The following ZSCAN10 variants were observed in gnomAD, a reference collection of about 807,000 sequenced individuals.
ZSCAN10 encodes zinc finger and SCAN domain containing 10, also known as zinc finger and SCAN domain-containing protein 10.
Under a neutral mutation model 63.7 loss-of-function variants are expected in ZSCAN10, and 52 were observed. That is an observed-to-expected ratio of 0.82 (90% CI 0.65 to 1.03). ZSCAN10 has a LOEUF of 1.03. ZSCAN10 is among the 50% of genes least tolerant of loss of function. ZSCAN10 has a pLI of 0.00. For missense variants in ZSCAN10, 1,223 were observed against 1,103.8 expected (o/e 1.11, Z -1.53); for synonymous variants, 544 against 479.6 (o/e 1.13, Z -1.76).
Position 3,092,257 on chromosome 16 carries a change from C to A in ZSCAN10, c.456G>T (p.Lys152Asn). The change falls in exon 3 of 6, where the codon AAG becomes AAT. Residue 152 changes from lysine (K) to asparagine (N), a missense_variant. Lys to Asn is a moderately conservative substitution (Grantham distance 94). Transcript: ENST00000576985. ...GGCTGGGGACCTGGGAAGCACACCC[C>A]TTTTCCTCCAAGGTGACGTCTGCAC... is the stretch of plus-strand genomic sequence containing the variant. ...CPRADVTLEEKGCASQVPSHS... is the reference protein window; with the variant it reads ...CPRADVTLEENGCASQVPSHS... 2 of 1,613,228 alleles carry A rather than the reference C, an allele frequency of 1.2e-6. No homozygotes were observed. The highest frequency in any genetic ancestry group is 8.5e-7 in the Non-Finnish European group (1 of 1,179,980).
rs1957023152 is a variant in ZSCAN10, at chr16:3,089,063, G to A, written c.*28C>T. ...TGGAGGACCCCGGGTAGGTGGCGCA[G>A]GGCGCGGCTGGCGGAAGGCGGGCCA... On this transcript the variant is annotated 3_prime_UTR_variant, in exon 6 of 6. Transcript: ENST00000576985. 2.0e-6 allele frequency: 3 copies of A among 1,466,778 alleles called. No homozygotes were observed. Among genetic ancestry groups the A allele is most frequent in the Non-Finnish European group, 8.9e-7 (1 of 1,120,630 alleles). The allele number at this position is 1,466,778 out of a possible 1,614,324, so 90.9% of individuals were successfully genotyped here.
Position 3,089,131 on chromosome 16 carries a change from A to C in ZSCAN10, c.2303T>G (p.Leu768Arg), listed in dbSNP as rs1957024744. 6.6e-7 allele frequency: 1 copy of C among 1,519,020 alleles called. No homozygotes were observed. Among genetic ancestry groups the C allele is most frequent in the African/African-American group, 1.4e-5 (1 of 71,304 alleles). The allele number at this position is 1,519,020 out of a possible 1,614,324, so 94.1% of individuals were successfully genotyped here. A position where few individuals can be genotyped will look rare whatever the true frequency, so the allele number is the denominator to read the frequency against. The stretch of plus-strand genomic sequence containing the variant: ...GCGGGCGTGGGTGCGCAGGTGGCGC[A>C]GCAGGTGGGAGTTGCGGCTGAAGCT... ...GRSFSRNSHL[L>R]RHLRTHARET... Residue 768 changes from leucine (L) to arginine (R), a missense_variant, in exon 6 of 6, where the codon CTG becomes CGG. Physicochemically the swap from Leu to Arg is moderately radical, Grantham distance 102 (BLOSUM62 -2). Coordinates refer to ENST00000576985, the MANE Select transcript of ZSCAN10 (RefSeq NM_032805.3).
chr16:3,092,059 C>A lies in ZSCAN10; in HGVS notation c.654G>T (p.Leu218=). ...SPGPQKTFQA[L]QESSPQGPSP... Reference sequence around the variant, plus strand: ...GCACAAGCTCCTCACTGCTTTCTTGCAGGGCCTGGAATGTCTTCTGGGGCC... The same window carrying A: ...GCACAAGCTCCTCACTGCTTTCTTGAAGGGCCTGGAATGTCTTCTGGGGCC... The change falls in exon 3 of 6, where the codon CTG becomes CTT. Residue 218 remains leucine (L), a synonymous_variant. Transcript: ENST00000576985. 1 of 1,561,714 alleles carries A rather than the reference C, an allele frequency of 6.4e-7. No individual in the cohort carries two copies.
Position 3,089,476 on chromosome 16 carries a change from T to C in ZSCAN10, c.1958A>G (p.Gln653Arg). Residue 653 changes from glutamine to arginine, a missense_variant, in exon 6 of 6, where the codon CAG becomes CGG. Gln to Arg is a conservative substitution (Grantham distance 43). Transcript: ENST00000576985. ...GGGCTTCTCCCCTGTGTGGATGCGC[T>C]GGTGGCGCGCCAGGTGGGCGCTCTG... The part of the protein sequence containing the change: ...FSQSAHLARH[Q>R]RIHTGEKPHA... 6.2e-7 allele frequency: 1 copy of C among 1,601,906 alleles called. No individual in the cohort carries two copies.
rs1229884713 is a variant in ZSCAN10 at position 3,090,363 on chromosome 16, C to A, written c.1071G>T (p.Pro357=). The A allele has an allele frequency of 6.8e-6, 11 of 1,612,398 alleles. No homozygotes were observed. The highest frequency in any genetic ancestry group is 9.3e-6 in the Non-Finnish European group (11 of 1,179,390). ...FICADCGVSF[P]QLSRLKAHQL... is the part of the protein sequence containing the mutation. ...GGTGCGCCTTCAGGCGAGACAGCTG[C>A]GGGAAGCTCACCCCGCAGTCCGCGC... The change falls in exon 6 of 6, where the codon CCG becomes CCT. Residue 357 remains proline, a synonymous_variant. Coordinates refer to ENST00000576985, the MANE Select transcript of ZSCAN10 (RefSeq NM_032805.3).
intron 4 of ZSCAN10, 71 bp downstream of exon 4, chr16:3,091,693 G>T: frequency 6.2e-7 from 1 of 1,607,172 alleles, no homozygotes. Context: ...GGGAAGGTAT[G>T]GATTTGCTAA....
At chr16:3,093,685 TTC>T (rs200409529) in intron 1 of ZSCAN10, among the ~76,000 whole-genome samples, 4,838 of 107,814 alleles carry the variant, frequency 0.045, 597 homozygotes, top group African/African-American at 0.18. Context: ...GCTTTTTTTT[TTC>T]TTTTTTTTTT....
rs1957128499 is a variant in ZSCAN10, at chr16:3,094,363, G to A, written c.-67-1359C>T. On this transcript the variant is annotated intron_variant, in intron 1 of 5. Coordinates refer to ENST00000576985, the MANE Select transcript of ZSCAN10 (RefSeq NM_032805.3). Reference sequence around the variant, plus strand: ...CCAGCCTTTATTTATTTATTTATTTGAGATGGAGTTTCACTCTTGTTGCCC... The same window carrying A: ...CCAGCCTTTATTTATTTATTTATTTAAGATGGAGTTTCACTCTTGTTGCCC... 2.0e-5 allele frequency among the ~76,000 whole-genome samples: 3 copies of A among 152,136 alleles called. No homozygotes were observed. In the South Asian group the frequency reaches 6.2e-4, roughly 32 times the overall value.
Position 3,089,833 on chromosome 16 carries a change from C to T in ZSCAN10, c.1601G>A (p.Ser534Asn). 1.3e-6 allele frequency: 2 copies of T among 1,560,438 alleles called. No individual in the cohort carries two copies. The highest frequency in any genetic ancestry group is 1.7e-6 in the Non-Finnish European group (2 of 1,159,586). Residue 534 changes from serine (S) to asparagine (N), a missense_variant, in exon 6 of 6, where the codon AGC becomes AAC. By Grantham distance (46) the Ser-to-Asn change is conservative. Coordinates refer to ENST00000576985, the MANE Select transcript of ZSCAN10 (RefSeq NM_032805.3). ...CCTCCGGTGGGCCACCAGGTGCTCG[C>T]TGCGCCGGAAGGCCTTGCCGCAGTC... ...CSDCGKAFRR[S>N]EHLVAHRRVH...
At position 3,089,970 on chromosome 16, in the gene ZSCAN10, G is replaced by A. The variant is rs372990057; in HGVS notation, c.1464C>T (p.Arg488=). 2 of 1,545,128 alleles carry A rather than the reference G, an allele frequency of 1.3e-6. No homozygotes were observed. Among genetic ancestry groups the A allele is most frequent in the Non-Finnish European group, 1.7e-6 (2 of 1,148,102 alleles). The change falls in exon 6 of 6, where the codon CGC becomes CGT. Residue 488 remains arginine (R), a synonymous_variant. Transcript: ENST00000576985. ...CSHCGQSFQR[R]SSLKRHLRIH... ...TCCGCAGGTGGCGCTTGAGGCTGGA[G>A]CGGCGCTGGAAGCTCTGGCCGCAGT...
rs1484745212 is a variant in ZSCAN10, at chr16:3,090,376, C to A, written c.1058G>T (p.Gly353Val). Residue 353 changes from glycine (G) to valine (V), a missense_variant, in exon 6 of 6, where the codon GGG (glycine) becomes GTG (valine). Physicochemically the swap from Gly to Val is moderately radical, Grantham distance 109 (BLOSUM62 -3). Transcript: ENST00000576985. ...PELQFICADC[G>V]VSFPQLSRLK... ...GCGAGACAGCTGCGGGAAGCTCACC[C>A]CGCAGTCCGCGCAGATGAACTGCAA... 1 of 1,613,236 alleles carries A rather than the reference C, an allele frequency of 6.2e-7. No homozygotes were observed. The highest frequency in any genetic ancestry group is 8.5e-7 in the Non-Finnish European group (1 of 1,179,796).
rs373860480 is a variant in ZSCAN10, at chr16:3,092,581, G to A, written c.357C>T (p.Leu119=). ...GGCTGGGCTCCCGGTGGATGCCCTCGAGCAGCAGCACCACCTCCTCCCCAT... is the reference window on the plus strand; with the variant it reads ...GGCTGGGCTCCCGGTGGATGCCCTCAAGCAGCAGCACCACCTCCTCCCCAT... The part of the protein sequence containing the change: ...LRDGEEVVLL[L]EGIHREPSHA... The change falls in exon 2 of 6, where the codon CTC becomes CTT. Residue 119 remains leucine (L), a synonymous_variant. Coordinates refer to ENST00000576985, the MANE Select transcript of ZSCAN10 (RefSeq NM_032805.3). The A allele has an allele frequency of 7.0e-5, 110 of 1,577,746 alleles. 1 individual carries two copies. The East Asian group carries it at 1.8e-3, about 26-fold the overall frequency.
chr16:3,094,469 G>A (rs2017820), intron 1 of ZSCAN10, among the ~76,000 whole-genome samples: 1 of 151,968 alleles, frequency 6.6e-6, no homozygotes, highest in Admixed American at 6.6e-5. Flanking sequence ...CGTCAGCTTC[G>A]TGAGTAGCTG....
intron 1 of ZSCAN10, among the ~76,000 whole-genome samples, chr16:3,095,563 G>T (rs1212137641): frequency 7.3e-5 from 11 of 150,556 alleles, no homozygotes; most frequent in South Asian, 2.1e-4. Flanking sequence ...GGCACTGAGT[G>T]GCTGACGCCT....
rs1379779267 is a variant in ZSCAN10, at chr16:3,092,637, G to C, written c.301C>G (p.Leu101Val). 6.2e-7 allele frequency: 1 copy of C among 1,610,798 alleles called. No individual in the cohort carries two copies. The highest frequency in any genetic ancestry group is 1.3e-5 in the African/African-American group (1 of 74,914). Residue 101 changes from leucine (L) to valine (V), a missense_variant, in exon 2 of 6, where the codon CTG becomes GTG. By Grantham distance (32) the Leu-to-Val change is conservative. Coordinates refer to ENST00000576985, the MANE Select transcript of ZSCAN10 (RefSeq NM_032805.3). ...AGCGGCTGCCCCTGCAGGCGGCCCA[G>C]GAGGTGCGGAGGCAGCACACTCAGG... is the stretch of plus-strand genomic sequence containing the variant. Reference protein sequence around the residue: ...QFLSVLPPHLLGRLQGQPLRD... With the variant: ...QFLSVLPPHLVGRLQGQPLRD...
In ZSCAN10 at chr16:3,089,957, G is replaced by T. The variant is rs1203475459; in HGVS notation, c.1477C>A (p.Arg493Ser). The T allele has an allele frequency of 1.9e-6, 3 of 1,542,904 alleles. No homozygotes were observed. The highest frequency in any genetic ancestry group is 1.7e-6 in the Non-Finnish European group (2 of 1,147,152). Residue 493 changes from arginine to serine, a missense_variant, in exon 6 of 6, where the codon CGC (arginine) becomes AGC (serine). Physicochemically the swap from Arg to Ser is moderately radical, Grantham distance 110. Coordinates refer to ENST00000576985, the MANE Select transcript of ZSCAN10 (RefSeq NM_032805.3). ...QSFQRRSSLK[R>S]HLRIHARDKD... ...TCCCTGGCGTGGATCCGCAGGTGGC[G>T]CTTGAGGCTGGAGCGGCGCTGGAAG...
chr16:3,097,573 TGA>T (rs961552313), intron 1 of ZSCAN10, among the ~76,000 whole-genome samples: 6 of 152,164 alleles, frequency 3.9e-5, no homozygotes, highest in African/African-American at 7.2e-5. Flanking sequence ...CCTGCATGTG[TGA>T]GAGTGTAACC....
chr16:3,089,380 G>T lies in ZSCAN10; in HGVS notation c.2054C>A (p.Thr685Lys). ...SNLARHRRSHTGERPYSCQTC... is the reference protein window; with the variant it reads ...SNLARHRRSHKGERPYSCQTC... ...CTGACAGCTGTAGGGCCGCTCGCCC[G>T]TGTGGCTGCGGCGATGGCGGGCCAG... The change falls in exon 6 of 6, where the codon ACG (threonine) becomes AAG (lysine). Residue 685 changes from threonine to lysine, a missense_variant. By Grantham distance (78) the Thr-to-Lys change is moderately conservative (BLOSUM62 -1). Transcript: ENST00000576985. 6.2e-7 allele frequency: 1 copy of T among 1,602,896 alleles called. No individual in the cohort carries two copies. Among genetic ancestry groups the T allele is most frequent in the Non-Finnish European group, 8.5e-7 (1 of 1,178,568 alleles).
Position 3,092,258 on chromosome 16 carries a change from T to A in ZSCAN10, c.455A>T (p.Lys152Met). 1 of 1,612,880 alleles carries A rather than the reference T, an allele frequency of 6.2e-7. No homozygotes were observed. The highest frequency in any genetic ancestry group is 8.5e-7 in the Non-Finnish European group (1 of 1,179,914). Residue 152 changes from lysine (K) to methionine (M), a missense_variant, in exon 3 of 6, where the codon AAG (lysine) becomes ATG (methionine). By Grantham distance (95) the Lys-to-Met change is moderately conservative. Transcript: ENST00000576985. ...GCTGGGGACCTGGGAAGCACACCCC[T>A]TTTCCTCCAAGGTGACGTCTGCACG... ...CPRADVTLEE[K>M]GCASQVPSHS...
Sources: gnomAD v4.1 joint callset for allele counts (sites outside exome capture counted in the v4.1 genomes callset) on GRCh38, gnomAD v4.1.1 for gene constraint, MANE v1.5 for transcripts, NCBI Gene and HGNC (gene_info 2026-07-23, HGNC 2026-07-21) for gene names.